The following MCU variants were observed in gnomAD, a reference collection of about 807,000 sequenced individuals.
MCU encodes mitochondrial calcium uniporter.
Under a neutral mutation model 45.2 loss-of-function variants are expected in MCU, and 12 were observed. That is an observed-to-expected ratio of 0.27 (90% confidence interval 0.17 to 0.43). MCU has a LOEUF of 0.43. Among genes scored for constraint, MCU ranks in the 20% least tolerant of loss-of-function variants. The pLI is 1.00. For missense variants in MCU, 324 were observed against 436.7 expected, an observed-to-expected ratio of 0.74 and a Z score of 2.30; for synonymous variants, 160 against 165.1, an observed-to-expected ratio of 0.97 and a Z score of 0.24.
intron 1 of MCU, among the ~76,000 whole-genome samples, chr10:72,833,821 C>T (rs997280952): frequency 3.3e-5 from 5 of 152,024 alleles, no homozygotes; most frequent in East Asian, 1.9e-4. Flanking sequence ...CTGAAGCGGT[C>T]GTGATTAAGG....
intron 4 of MCU, among the ~76,000 whole-genome samples, chr10:72,865,489 C>T (rs930580110): frequency 6.6e-6 from 1 of 152,192 alleles, no homozygotes; most frequent in Non-Finnish European, 1.5e-5. Flanking sequence ...GCATCTCTCA[C>T]AGAAACTCAA....
intron 1 of MCU, among the ~76,000 whole-genome samples, chr10:72,737,334 A>G (rs1199055706): frequency 2.0e-5 from 3 of 152,250 alleles, no homozygotes; most frequent in East Asian, 1.9e-4. Context: ...ACTTGTTTCA[A>G]AAAATTATTA....
intron 1 of MCU, among the ~76,000 whole-genome samples, chr10:72,745,285 A>G (rs532307377): frequency 2.0e-5 from 3 of 151,988 alleles, no homozygotes; most frequent in Non-Finnish European, 2.9e-5. Flanking sequence ...CTGGAGTGCA[A>G]TGGCACGATC....
intron 1 of MCU, among the ~76,000 whole-genome samples, chr10:72,812,082 T>G (rs1844552402): frequency 9.8e-6 from 1 of 102,308 alleles, no homozygotes; most frequent in South Asian, 2.6e-4. Context: ...ATGTTTATAG[T>G]GCTTTTTTTT....
chr10:72,743,281 C>T (rs1279146010), intron 1 of MCU, among the ~76,000 whole-genome samples: 2 of 151,480 alleles, frequency 1.3e-5, no homozygotes, highest in Non-Finnish European at 1.5e-5. Flanking sequence ...GGCATGGTGG[C>T]GGGTGCTTGT....
intron 4 of MCU, among the ~76,000 whole-genome samples, chr10:72,866,234 A>G (rs976339738): frequency 1.3e-5 from 2 of 152,104 alleles, no homozygotes; most frequent in African/African-American, 4.8e-5. Flanking sequence ...TCAGCTGACT[A>G]CAGTAAGAGA....
chr10:72,868,551 CAAAA>C (rs77707370), intron 4 of MCU, 148 bp from the exon 5 acceptor site: 994 of 486,846 alleles, frequency 2.0e-3, no homozygotes, highest in South Asian at 3.5e-3. Flanking sequence ...GACTTTGTCT[CAAAA>C]AAAAAAAAAA....
rs547121371 is a variant in MCU at position 72,798,623 on chromosome 10, AGTT to A, written c.151-35726_151-35724del. On this transcript the variant is annotated intron_variant, in intron 1 of 7. Coordinates refer to ENST00000373053, the MANE Select transcript of MCU (RefSeq NM_138357.3). ...CAGGACTTTTTTTCTATATGTATTT[AGTT>A]GTTGTTGTTTTTCTTGTTTTTTTTT... 2.9e-4 allele frequency among the ~76,000 whole-genome samples: 44 copies of A among 151,802 alleles called. 1 individual carries two copies. In the East Asian group the frequency reaches 7.4e-3, roughly 25 times the overall value.
chr10:72,865,776 T>G (rs900290820), intron 4 of MCU, among the ~76,000 whole-genome samples: 4 of 139,210 alleles, frequency 2.9e-5, no homozygotes, highest in African/African-American at 5.5e-5. Flanking sequence ...TTTTTTTTTG[T>G]TTTTTTTTTT....
intron 2 of MCU, among the ~76,000 whole-genome samples, chr10:72,846,492 G>C (rs1845125386): frequency 6.6e-6 from 1 of 152,174 alleles, no homozygotes. Context: ...CTTAGTAGCT[G>C]TTTCAGTTAC....
intron 1 of MCU, among the ~76,000 whole-genome samples, chr10:72,742,692 A>T (rs1255720720): frequency 6.6e-6 from 1 of 152,170 alleles, no homozygotes; most frequent in Admixed American, 6.5e-5. Flanking sequence ...CCTAATAATG[A>T]AGAACCATTA....
chr10:72,837,013 T>C (rs2132838317), intron 2 of MCU, among the ~76,000 whole-genome samples: 1 of 152,316 alleles, frequency 6.6e-6, no homozygotes, highest in African/African-American at 2.4e-5. Flanking sequence ...GTCTAAAATA[T>C]CATATCCTAT....
chr10:72,840,836 C>G (rs1845037161), intron 2 of MCU, among the ~76,000 whole-genome samples: 1 of 151,960 alleles, frequency 6.6e-6, no homozygotes, highest in Non-Finnish European at 1.5e-5. Flanking sequence ...TGAAACTTTA[C>G]CAAAATGTGG....
chr10:72,710,483 A>G (rs534587169), intron 1 of MCU, among the ~76,000 whole-genome samples: 1 of 151,814 alleles, frequency 6.6e-6, no homozygotes, highest in African/African-American at 2.4e-5. Context: ...GCAGAAGGTA[A>G]ACTACTGATG....
At chr10:72,863,004 A>G (rs1465639004) in intron 4 of MCU, among the ~76,000 whole-genome samples, 1 of 151,586 alleles carries the variant, frequency 6.6e-6, no homozygotes, top group Non-Finnish European at 1.5e-5. Flanking sequence ...TCTGGTCCCC[A>G]TCTACCTTTT....
intron 1 of MCU, among the ~76,000 whole-genome samples, chr10:72,699,662 G>C (rs542042628): frequency 6.7e-6 from 1 of 149,566 alleles, no homozygotes; most frequent in Non-Finnish European, 1.5e-5. Context: ...CGCTATCTCT[G>C]CTCTCTGCAG....
intron 1 of MCU, among the ~76,000 whole-genome samples, chr10:72,778,829 G>A (rs1843941282): frequency 1.3e-5 from 2 of 151,700 alleles, no homozygotes; most frequent in Admixed American, 6.6e-5. Context: ...GGATTTTTCA[G>A]TATATGATAA....
intron 1 of MCU, among the ~76,000 whole-genome samples, chr10:72,723,872 A>G (rs1335692376): frequency 6.6e-6 from 1 of 152,204 alleles, no homozygotes; most frequent in Non-Finnish European, 1.5e-5. Flanking sequence ...ATGTTCTTTT[A>G]CACTCACAAG....
At chr10:72,772,302 C>A (rs915312563) in intron 1 of MCU, among the ~76,000 whole-genome samples, 1 of 152,226 alleles carries the variant, frequency 6.6e-6, no homozygotes, top group African/African-American at 2.4e-5. Flanking sequence ...CCCTTTGGGA[C>A]CTCCCCTATT....
Sources: gnomAD v4.1 joint callset for allele counts (sites outside exome capture counted in the v4.1 genomes callset) on GRCh38, gnomAD v4.1.1 for gene constraint, MANE v1.5 for transcripts, NCBI Gene and HGNC (gene_info 2026-07-23, HGNC 2026-07-21) for gene names.